MCTP1: variants seen among roughly 807,000 people sequenced by gnomAD.
MCTP1 encodes multiple C2 and transmembrane domain containing 1, also known as multiple C2 and transmembrane domain-containing protein 1.
In MCTP1, 69 loss-of-function variants were observed where a neutral mutation model predicts 120.6. The observed-to-expected ratio is 0.57, with a 90% CI of 0.47 to 0.70. The LOEUF (loss-of-function observed/expected upper bound fraction) is 0.70. Among genes scored for constraint, MCTP1 ranks in the 30% least tolerant of loss-of-function variants. The pLI is 0.00. For missense variants in MCTP1, 1,203 were observed against 1,248.8 expected (o/e 0.96, Z 0.55); for synonymous variants, 529 against 493.1 (o/e 1.07, Z -0.96).
intron 17 of MCTP1, among the ~76,000 whole-genome samples, chr5:94,834,398 A>G (rs1322996899): frequency 6.6e-6 from 1 of 152,216 alleles, no homozygotes; most frequent in African/African-American, 2.4e-5. Context: ...ATATCAAGAC[A>G]CATATATTTT....
chr5:95,009,345 G>A (rs923873656), intron 2 of MCTP1, among the ~76,000 whole-genome samples: 2 of 152,014 alleles, frequency 1.3e-5, no homozygotes, highest in Non-Finnish European at 2.9e-5. Flanking sequence ...AGATAGCCAT[G>A]TCAAAACATT....
At chr5:95,151,279 C>T (rs188617793) in intron 1 of MCTP1, among the ~76,000 whole-genome samples, 21 of 151,376 alleles carry the variant, frequency 1.4e-4, no homozygotes, top group African/African-American at 3.2e-4. Context: ...CCACCACACC[C>T]GGCCAGAAAA....
At chr5:95,198,339 G>T (rs902004795) in intron 1 of MCTP1, among the ~76,000 whole-genome samples, 1 of 152,004 alleles carries the variant, frequency 6.6e-6, no homozygotes, top group African/African-American at 2.4e-5. Flanking sequence ...CTTTAAAATG[G>T]TGTAAAAATG....
rs556548849 is a variant in MCTP1, at chr5:95,188,183, A to G, written c.720+95673T>C. ...GATGTTCAACACCATTAACCATTAA[A>G]GAAACAAATTAAAACTACAGTGAGA... On this transcript the variant is annotated intron_variant, in intron 1 of 22. Transcript: ENST00000515393. Among the ~76,000 whole-genome samples, 15 of 152,358 alleles carry G rather than the reference A, an allele frequency of 9.8e-5. No homozygotes were observed. In the East Asian group the frequency reaches 2.7e-3, roughly 27 times the overall value.
At chr5:95,046,204 A>G (rs573777740) in intron 1 of MCTP1, among the ~76,000 whole-genome samples, 17 of 152,312 alleles carry the variant, frequency 1.1e-4, no homozygotes, top group Non-Finnish European at 2.4e-4. Flanking sequence ...TTGTACAGAT[A>G]GAGATGCCAT....
At chr5:95,163,316 A>G (rs1221053419) in intron 1 of MCTP1, among the ~76,000 whole-genome samples, 1 of 152,200 alleles carries the variant, frequency 6.6e-6, no homozygotes, top group East Asian at 1.9e-4. Context: ...CTTTTGGGTT[A>G]GGTAGATAAT....
chr5:95,181,063 C>T (rs1748545634), intron 1 of MCTP1, among the ~76,000 whole-genome samples: 1 of 152,210 alleles, frequency 6.6e-6, no homozygotes, highest in African/African-American at 2.4e-5. Context: ...CCCAACTTGG[C>T]CTCCAGCCAG....
intron 10 of MCTP1, among the ~76,000 whole-genome samples, chr5:94,903,421 C>G (rs994618275): frequency 1.3e-5 from 2 of 152,114 alleles, no homozygotes; most frequent in Middle Eastern, 3.2e-3. Flanking sequence ...GGCTATTTTC[C>G]TCATTTGCCA....
intron 17 of MCTP1, among the ~76,000 whole-genome samples, chr5:94,819,214 T>C (rs1785135181): frequency 1.3e-5 from 2 of 152,040 alleles, no homozygotes; most frequent in South Asian, 4.1e-4. Context: ...CTGAAACCTC[T>C]GCCTCCTGGG....
At chr5:95,142,894 C>T (rs943236527) in intron 1 of MCTP1, among the ~76,000 whole-genome samples, 10 of 152,084 alleles carry the variant, frequency 6.6e-5, no homozygotes, top group African/African-American at 2.2e-4. Context: ...TGGAGCAACT[C>T]GAGCCGGTGA....
At chr5:95,014,509 T>C (rs543725151) in intron 2 of MCTP1, among the ~76,000 whole-genome samples, 1 of 152,240 alleles carries the variant, frequency 6.6e-6, no homozygotes, top group South Asian at 2.1e-4. Flanking sequence ...AATGAAGAGC[T>C]GTTTCTTATG....
At chr5:94,835,869 TG>T (rs1441801395) in intron 17 of MCTP1, among the ~76,000 whole-genome samples, 3 of 151,604 alleles carry the variant, frequency 2.0e-5, no homozygotes, top group Non-Finnish European at 4.4e-5. Context: ...CCGGGTGTGG[TG>T]GTGGGCGCCT....
At chr5:95,175,956 A>G (rs913849492) in intron 1 of MCTP1, among the ~76,000 whole-genome samples, 1 of 152,162 alleles carries the variant, frequency 6.6e-6, no homozygotes, top group African/African-American at 2.4e-5. Context: ...GCAGAATATC[A>G]GGATAAGATG....
chr5:95,128,781 A>C (rs1235862022), intron 1 of MCTP1, among the ~76,000 whole-genome samples: 1 of 152,220 alleles, frequency 6.6e-6, no homozygotes, highest in East Asian at 1.9e-4. Flanking sequence ...GACTCTGTGA[A>C]TATACTAAAA....
intron 5 of MCTP1, among the ~76,000 whole-genome samples, chr5:94,932,842 T>C (rs1397087306): frequency 6.6e-6 from 1 of 152,014 alleles, no homozygotes; most frequent in Non-Finnish European, 1.5e-5. Flanking sequence ...GCTTGTGCCA[T>C]ATTTGTGTAT....
chr5:94,844,024 C>T (rs537159285), intron 17 of MCTP1, among the ~76,000 whole-genome samples: 6 of 152,146 alleles, frequency 3.9e-5, no homozygotes, highest in East Asian at 1.9e-4. Flanking sequence ...CACCCTTGGC[C>T]GGGTGCGGTG....
intron 1 of MCTP1, among the ~76,000 whole-genome samples, chr5:95,027,302 C>T (rs556606305): frequency 6.6e-6 from 1 of 152,272 alleles, no homozygotes; most frequent in East Asian, 1.9e-4. Flanking sequence ...ATCCCTTGCC[C>T]CTTGCTCATA....
At chr5:95,074,367 G>C (rs1221223695) in intron 1 of MCTP1, among the ~76,000 whole-genome samples, 1 of 152,120 alleles carries the variant, frequency 6.6e-6, no homozygotes, top group African/African-American at 2.4e-5. Context: ...CTTCTGGAGG[G>C]GCCACTAAGA....
At chr5:94,743,017 C>T (rs1282717218) in intron 19 of MCTP1, among the ~76,000 whole-genome samples, 1 of 151,930 alleles carries the variant, frequency 6.6e-6, no homozygotes, top group East Asian at 1.9e-4. Context: ...GGGGAGATGA[C>T]TAACCTAGAA....
Sources: allele counts gnomAD v4.1 joint callset (sites outside exome capture counted in the v4.1 genomes callset), GRCh38; gene constraint gnomAD v4.1.1; transcripts MANE v1.5; gene names NCBI Gene and HGNC (gene_info 2026-07-23, HGNC 2026-07-21).